Variants in NR6A1 observed in about 807,000 individuals in gnomAD.
NR6A1 encodes the protein retinoic acid receptor-related testis-associated receptor.
NR6A1 carries 7 observed loss-of-function variants against 59.1 expected under a neutral mutation model. The ratio of observed to expected loss-of-function variants is 0.12; its 90% CI spans 0.07 to 0.22. The LOEUF is 0.22. Ranked by LOEUF, NR6A1 falls within the 10% of genes least tolerant of loss-of-function variation. NR6A1 has a pLI of 1.00. For synonymous variants in NR6A1, 243 were observed against 236.1 expected, an observed-to-expected ratio of 1.03 and a Z score of -0.27; for missense variants, 468 against 611.6, an observed-to-expected ratio of 0.77 and a Z score of 2.48.
intron 2 of NR6A1, among the ~76,000 whole-genome samples, chr9:124,620,293 C>T (rs1053153144): frequency 2.6e-5 from 4 of 151,886 alleles, no homozygotes; most frequent in Admixed American, 6.6e-5. Flanking sequence ...TTTATACTTC[C>T]GTAAATAAAT....
At chr9:124,708,007 C>T (rs1839183465) in intron 2 of NR6A1, among the ~76,000 whole-genome samples, 1 of 152,162 alleles carries the variant, frequency 6.6e-6, no homozygotes, top group Non-Finnish European at 1.5e-5. Flanking sequence ...GTAGTCTGGG[C>T]TCACACAGGT....
chr9:124,624,348 C>T (rs1232789407), intron 2 of NR6A1, among the ~76,000 whole-genome samples: 1 of 152,206 alleles, frequency 6.6e-6, no homozygotes, highest in African/African-American at 2.4e-5. Flanking sequence ...GCATCCTGTC[C>T]TCAGACAGAT....
chr9:124,631,638 A>G (rs1225370675), intron 2 of NR6A1, among the ~76,000 whole-genome samples: 1 of 152,200 alleles, frequency 6.6e-6, no homozygotes, highest in East Asian at 1.9e-4. Flanking sequence ...AATCTATTCA[A>G]TTCCAGCAGC....
intron 1 of NR6A1, among the ~76,000 whole-genome samples, chr9:124,769,855 G>A (rs1270411426): frequency 6.6e-6 from 1 of 152,228 alleles, no homozygotes; most frequent in East Asian, 1.9e-4. Context: ...GCTCCAGGGC[G>A]CTTTCCAAGT....
intron 1 of NR6A1, among the ~76,000 whole-genome samples, chr9:124,741,848 T>C (rs765834109): frequency 1.3e-5 from 2 of 152,180 alleles, no homozygotes; most frequent in Non-Finnish European, 2.9e-5. Context: ...CTGTCGATTA[T>C]GAGTACTCAA....
chr9:124,607,762 T>C (rs986728996), intron 2 of NR6A1, among the ~76,000 whole-genome samples: 18 of 152,280 alleles, frequency 1.2e-4, no homozygotes, highest in Non-Finnish European at 2.2e-4. Context: ...AAATAATACC[T>C]GGGTGGGCAC....
chr9:124,716,337 T>C (rs887137851), intron 2 of NR6A1, among the ~76,000 whole-genome samples: 1 of 152,180 alleles, frequency 6.6e-6, no homozygotes, highest in African/African-American at 2.4e-5. Flanking sequence ...ATTATAGACA[T>C]AGATGTAAAA....
intron 7 of NR6A1, among the ~76,000 whole-genome samples, chr9:124,534,098 G>A (rs1021611940): frequency 4.2e-5 from 6 of 144,534 alleles, no homozygotes; most frequent in Non-Finnish European, 9.0e-5. Context: ...TTGAGACGGA[G>A]TTTCGCTCTT....
intron 7 of NR6A1, among the ~76,000 whole-genome samples, chr9:124,529,708 G>A (rs1833040762): frequency 6.6e-6 from 1 of 152,192 alleles, no homozygotes; most frequent in Non-Finnish European, 1.5e-5. Flanking sequence ...TCAGAGCAGG[G>A]CCCAACCTTG....
intron 2 of NR6A1, among the ~76,000 whole-genome samples, chr9:124,650,170 A>C (rs1043614176): frequency 9.2e-5 from 14 of 152,224 alleles, no homozygotes; most frequent in African/African-American, 3.1e-4. Context: ...CACAACAGCC[A>C]AGATATCAGA....
chr9:124,709,214 T>G (rs1839209932), intron 2 of NR6A1, among the ~76,000 whole-genome samples: 1 of 152,190 alleles, frequency 6.6e-6, no homozygotes, highest in Admixed American at 6.5e-5. Context: ...ATCCTGCCTA[T>G]TTCCTGACTG....
At chr9:124,607,141 T>C (rs1388852016) in intron 2 of NR6A1, 1 of 152,184 alleles carries the variant, frequency 6.6e-6, no homozygotes, top group Non-Finnish European at 1.5e-5. Flanking sequence ...TTTTTTCTTT[T>C]ATAGAAAGAT....
chr9:124,692,527 C>G (rs769301869), intron 2 of NR6A1: 1 of 530,216 alleles, frequency 1.9e-6, no homozygotes, highest in East Asian at 5.5e-5. Flanking sequence ...AACCACTGAC[C>G]GTTGACTGTA....
At chr9:124,578,671 C>T (rs1019093223) in intron 2 of NR6A1, among the ~76,000 whole-genome samples, 3 of 152,178 alleles carry the variant, frequency 2.0e-5, no homozygotes, top group African/African-American at 7.2e-5. Context: ...AGACTCCCTA[C>T]AATTCATTTT....
At chr9:124,709,574 G>C (rs1213030182) in intron 2 of NR6A1, among the ~76,000 whole-genome samples, 1 of 152,108 alleles carries the variant, frequency 6.6e-6, no homozygotes, top group East Asian at 1.9e-4. Flanking sequence ...AGATGGAAAA[G>C]AAATCCTGGC....
chr9:124,695,731 G>A (rs1015230433), intron 2 of NR6A1, among the ~76,000 whole-genome samples: 4 of 152,048 alleles, frequency 2.6e-5, no homozygotes, highest in African/African-American at 9.7e-5. Flanking sequence ...GGTACTCCAC[G>A]CAGTCTTGTT....
At chr9:124,713,442 C>A (rs1249625248) in intron 2 of NR6A1, among the ~76,000 whole-genome samples, 1 of 152,204 alleles carries the variant, frequency 6.6e-6, no homozygotes, top group Middle Eastern at 3.4e-3. Flanking sequence ...ACGGACACAA[C>A]AGAATGAAAA....
At chr9:124,671,713 CA>C (rs1237945304) in intron 2 of NR6A1, among the ~76,000 whole-genome samples, 1 of 152,168 alleles carries the variant, frequency 6.6e-6, no homozygotes, top group Non-Finnish European at 1.5e-5. Context: ...GTGACTAACA[CA>C]AAGTCATTAA....
At chr9:124,742,300 C>G (rs867315032) in intron 1 of NR6A1, among the ~76,000 whole-genome samples, 3 of 152,196 alleles carry the variant, frequency 2.0e-5, no homozygotes, top group Non-Finnish European at 4.4e-5. Flanking sequence ...CGGTGGCTCA[C>G]GCCTCTAATC....
Sources: allele counts gnomAD v4.1 joint callset (sites outside exome capture counted in the v4.1 genomes callset), GRCh38; gene constraint gnomAD v4.1.1; transcripts MANE v1.5; gene names NCBI Gene and HGNC (gene_info 2026-07-23, HGNC 2026-07-21).